The following RORA variants were observed in gnomAD, a reference collection of about 807,000 sequenced individuals.
RORA encodes RAR related orphan receptor A.
In RORA, 7 loss-of-function variants were observed where a neutral mutation model predicts 69.5. That is an observed-to-expected ratio of 0.10 (90% CI 0.06 to 0.19). The LOEUF is 0.19. RORA is among the 10% of genes least tolerant of loss of function. The pLI is 1.00. For synonymous variants in RORA, 261 were observed against 240.8 expected (o/e 1.08, Z -0.78); for missense variants, 457 against 663.0 (o/e 0.69, Z 3.41).
chr15:60,794,296 G>A (rs1680437), intron 1 of RORA, among the ~76,000 whole-genome samples: 169 of 152,310 alleles, frequency 1.1e-3, no homozygotes, highest in African/African-American at 3.5e-3. Context: ...GTTTCACCGC[G>A]TTCTTGAGAA....
chr15:60,938,478 G>C (rs1348134508), intron 1 of RORA, among the ~76,000 whole-genome samples: 1 of 152,180 alleles, frequency 6.6e-6, no homozygotes, highest in African/African-American at 2.4e-5. Context: ...CTAGCTTAGA[G>C]GTCGTGTGCA....
At chr15:61,059,961 AGAG>A (rs879872981) in intron 1 of RORA, among the ~76,000 whole-genome samples, 5,083 of 127,520 alleles carry the variant, frequency 0.04, 211 homozygotes, top group Middle Eastern at 0.065. Flanking sequence ...AAGAAGAAGA[AGAG>A]GAAGAGGAAG....
At chr15:61,204,518 C>T (rs1387237941) in intron 1 of RORA, among the ~76,000 whole-genome samples, 1 of 152,128 alleles carries the variant, frequency 6.6e-6, no homozygotes, top group African/African-American at 2.4e-5. Context: ...AGGGGAAGGA[C>T]AGATGAAAGA....
chr15:61,204,863 A>G (rs1471493584), intron 1 of RORA, among the ~76,000 whole-genome samples: 2 of 152,224 alleles, frequency 1.3e-5, no homozygotes, highest in Non-Finnish European at 2.9e-5. Flanking sequence ...CAAATCCTGC[A>G]GTGGGTGTAT....
chr15:60,816,053 T>C (rs1286284650), intron 1 of RORA, among the ~76,000 whole-genome samples: 6 of 144,960 alleles, frequency 4.1e-5, no homozygotes, highest in Admixed American at 1.4e-4. Flanking sequence ...ATAAAAACTA[T>C]ATGTATTTAT....
chr15:60,747,810 T>C (rs183365618), intron 1 of RORA, among the ~76,000 whole-genome samples: 40 of 152,324 alleles, frequency 2.6e-4, no homozygotes, highest in Non-Finnish European at 4.8e-4. Context: ...AGAACCTTTC[T>C]TGTTTCTACG....
chr15:60,690,583 G>A (rs1044928430), intron 1 of RORA, among the ~76,000 whole-genome samples: 1 of 152,180 alleles, frequency 6.6e-6, no homozygotes, highest in African/African-American at 2.4e-5. Context: ...TGCTACAATA[G>A]TTTTCAACCT....
intron 2 of RORA, among the ~76,000 whole-genome samples, chr15:60,638,330 G>A (rs768947155): frequency 1.3e-5 from 2 of 151,432 alleles, no homozygotes; most frequent in African/African-American, 4.8e-5. Flanking sequence ...GATAGCTTAA[G>A]GTGATGGGGT....
chr15:60,946,748 G>A lies in RORA; in HGVS notation c.167-268062C>T, dbSNP rs534598891. On this transcript the variant is annotated intron_variant, in intron 1 of 10. Transcript: ENST00000335670. Reference sequence around the variant, plus strand: ...CTGCCCATCGTCTGGGATGTGAGGAGCCCCTCTGCCCGGCTGCCCAGTCTG... The same window carrying A: ...CTGCCCATCGTCTGGGATGTGAGGAACCCCTCTGCCCGGCTGCCCAGTCTG... Among the ~76,000 whole-genome samples the A allele has an allele frequency of 1.5e-4, 23 of 151,470 alleles. No homozygotes were observed. In the South Asian group the frequency reaches 4.6e-3, roughly 30 times the overall value.
chr15:60,622,960 C>G (rs926151521), intron 2 of RORA, among the ~76,000 whole-genome samples: 4 of 152,180 alleles, frequency 2.6e-5, no homozygotes, highest in African/African-American at 9.7e-5. Context: ...AGGTGATCCA[C>G]CCGCCTCAGT....
At position 61,026,259 on chromosome 15, in the gene RORA, C is replaced by T. The variant is rs112930775; in HGVS notation, c.166+202794G>A. On this transcript the variant is annotated intron_variant, in intron 1 of 10. Transcript: ENST00000335670. ...GAGGCTCCGAATTTTATAAAGTTCA[C>T]CGTTAAAGCTATGTAGATTACCAGC... Among the ~76,000 whole-genome samples the T allele has an allele frequency of 4.8e-3, 731 of 152,278 alleles. 8 individuals are homozygous for T. The highest frequency in any genetic ancestry group is 0.017 in the African/African-American group (692 of 41,550).
rs2071270091 is a variant in RORA, at chr15:60,719,878, ATGT to A, written c.167-41195_167-41193del. ...TGGGGGTGGAGGTTCACAGGTAAAC[ATGT>A]TGTGTGCTTCAGAAGAAGCTAGCTT... On this transcript the variant is annotated intron_variant, in intron 1 of 10. Coordinates refer to ENST00000335670, the MANE Select transcript of RORA (RefSeq NM_134261.3). Among the ~76,000 whole-genome samples the A allele has an allele frequency of 4.6e-5, 7 of 152,126 alleles. No individual in the cohort carries two copies. In the South Asian group the frequency reaches 1.5e-3, roughly 32 times the overall value.
intron 1 of RORA, among the ~76,000 whole-genome samples, chr15:61,030,346 T>A (rs1292832960): frequency 6.6e-6 from 1 of 152,216 alleles, no homozygotes; most frequent in Non-Finnish European, 1.5e-5. Flanking sequence ...CAGGAGAATA[T>A]CCTTGTATAC....
chr15:60,567,397 T>TATC (rs962697680), intron 2 of RORA, among the ~76,000 whole-genome samples: 1 of 148,002 alleles, frequency 6.8e-6, no homozygotes, highest in Non-Finnish European at 1.5e-5. Context: ...TTATTATCAT[T>TATC]ATTATTATTA....
At chr15:60,913,512 A>T (rs1247654214) in intron 1 of RORA, among the ~76,000 whole-genome samples, 2 of 152,200 alleles carry the variant, frequency 1.3e-5, no homozygotes, top group Non-Finnish European at 2.9e-5. Context: ...CGTGACTGCC[A>T]CGTGACAGGC....
chr15:60,614,574 C>CA (rs2069180882), intron 2 of RORA, among the ~76,000 whole-genome samples: 1 of 152,126 alleles, frequency 6.6e-6, no homozygotes, highest in Non-Finnish European at 1.5e-5. Flanking sequence ...AGTTCACGGA[C>CA]AATCTGGCTT....
chr15:60,583,490 C>G (rs2068248091), intron 2 of RORA, among the ~76,000 whole-genome samples: 1 of 152,228 alleles, frequency 6.6e-6, no homozygotes, highest in African/African-American at 2.4e-5. Context: ...CCCAGGCACA[C>G]AGTGAAGGCT....
intron 1 of RORA, among the ~76,000 whole-genome samples, chr15:60,869,052 C>T (rs1044733336): frequency 1.4e-4 from 21 of 151,502 alleles, no homozygotes; most frequent in Non-Finnish European, 2.4e-4. Flanking sequence ...CCATCAGGCA[C>T]CCCCCCATTA....
chr15:61,173,336 A>T (rs1236730650), intron 1 of RORA, among the ~76,000 whole-genome samples: 1 of 152,242 alleles, frequency 6.6e-6, no homozygotes, highest in Non-Finnish European at 1.5e-5. Context: ...GCCTGAATTC[A>T]TCCATTCACC....
Sources: allele counts gnomAD v4.1 joint callset (sites outside exome capture counted in the v4.1 genomes callset), GRCh38; gene constraint gnomAD v4.1.1; transcripts MANE v1.5; gene names NCBI Gene and HGNC (gene_info 2026-07-23, HGNC 2026-07-21).